The following ASTN2 variants were observed in gnomAD, a reference collection of about 807,000 sequenced individuals.
ASTN2 encodes astrotactin 2.
ASTN2 carries 54 observed loss-of-function variants against 139.8 expected under a neutral mutation model. The observed-to-expected ratio is 0.39, with a 90% CI of 0.31 to 0.48. The LOEUF (loss-of-function observed/expected upper bound fraction) is 0.48. ASTN2 is among the 20% of genes least tolerant of loss of function. ASTN2 has a pLI of 0.95. For missense variants in ASTN2, 1,565 were observed against 1,725.1 expected (o/e 0.91, Z 1.64); for synonymous variants, 756 against 719.5 (o/e 1.05, Z -0.81).
rs764539757 is a variant in ASTN2, at chr9:117,406,888, ACACACACACAC to A, written c.442+7598_442+7608del. The stretch of plus-strand genomic sequence containing the variant: ...CACACACACACACACACACACACAC[ACACACACACAC>A]AACACAGAGGGATAAAAGCTCTCTG... On this transcript the variant is annotated intron_variant, in intron 1 of 22. Coordinates refer to ENST00000313400, the MANE Select transcript of ASTN2 (RefSeq NM_001365068.1). Among the ~76,000 whole-genome samples the A allele has an allele frequency of 8.4e-3, 1,247 of 148,250 alleles. 4 individuals carry two copies. The highest frequency in any genetic ancestry group is 0.015 in the African/African-American group (559 of 38,130).
intron 1 of ASTN2, among the ~76,000 whole-genome samples, chr9:117,344,275 C>T (rs907633422): frequency 2.6e-5 from 4 of 152,060 alleles, no homozygotes; most frequent in Admixed American, 6.6e-5. Context: ...AAGCCCTCTA[C>T]GTATGGAAAT....
intron 5 of ASTN2, among the ~76,000 whole-genome samples, chr9:117,072,237 G>GC (rs146498232): frequency 0.017 from 2,535 of 152,248 alleles, 75 homozygotes; most frequent in African/African-American, 0.058. Flanking sequence ...AGCCTCTTTG[G>GC]AATAGCACAC....
chr9:116,598,240 G>C (rs1382370752), intron 19 of ASTN2, among the ~76,000 whole-genome samples: 2 of 152,200 alleles, frequency 1.3e-5, no homozygotes. Flanking sequence ...AAGTTAAAAG[G>C]AAGTTTATGA....
intron 19 of ASTN2, among the ~76,000 whole-genome samples, chr9:116,564,762 A>T (rs1853098032): frequency 6.6e-6 from 1 of 151,562 alleles, no homozygotes; most frequent in Admixed American, 6.6e-5. Flanking sequence ...TCATATATAG[A>T]TCTAGTTATT....
chr9:116,997,948 G>T (rs1837072140), intron 7 of ASTN2, among the ~76,000 whole-genome samples: 1 of 152,114 alleles, frequency 6.6e-6, no homozygotes, highest in South Asian at 2.1e-4. Flanking sequence ...GCTATATATA[G>T]ATAATGAATC....
intron 4 of ASTN2, among the ~76,000 whole-genome samples, chr9:117,124,966 C>T (rs1003945788): frequency 2.6e-5 from 4 of 152,144 alleles, no homozygotes; most frequent in African/African-American, 9.7e-5. Flanking sequence ...ACAAAGATCA[C>T]CTAAGATAGT....
At chr9:116,810,766 A>G (rs1831142909) in intron 12 of ASTN2, among the ~76,000 whole-genome samples, 1 of 152,208 alleles carries the variant, frequency 6.6e-6, no homozygotes, top group Non-Finnish European at 1.5e-5. Flanking sequence ...TATATAAGAT[A>G]GATGTTATCC....
intron 7 of ASTN2, among the ~76,000 whole-genome samples, chr9:116,994,209 C>A (rs1447457059): frequency 6.6e-6 from 1 of 152,058 alleles, no homozygotes; most frequent in African/African-American, 2.4e-5. Context: ...GTTGTGACTG[C>A]TCAATTCTGA....
At chr9:117,203,743 C>T (rs1831813755) in intron 3 of ASTN2, among the ~76,000 whole-genome samples, 1 of 152,136 alleles carries the variant, frequency 6.6e-6, no homozygotes, top group African/African-American at 2.4e-5. Flanking sequence ...ACCTCTGGGA[C>T]CTCTGACCTT....
intron 7 of ASTN2, among the ~76,000 whole-genome samples, chr9:116,995,160 G>A (rs973933430): frequency 6.6e-6 from 1 of 152,144 alleles, no homozygotes; most frequent in Admixed American, 6.5e-5. Context: ...AGTTTCATGT[G>A]TTCACATGTT....
intron 19 of ASTN2, among the ~76,000 whole-genome samples, chr9:116,534,019 A>T (rs1460424942): frequency 8.5e-5 from 13 of 152,174 alleles, no homozygotes; most frequent in Non-Finnish European, 1.2e-4. Flanking sequence ...TAGGCTTTAA[A>T]TTATTGCCTC....
chr9:116,497,962 A>G (rs1849722218), intron 19 of ASTN2, among the ~76,000 whole-genome samples: 1 of 152,188 alleles, frequency 6.6e-6, no homozygotes, highest in Admixed American at 6.5e-5. Flanking sequence ...TCTCTGGGCC[A>G]AACACTTCAT....
At chr9:116,476,590 A>G (rs1328093995) in intron 20 of ASTN2, among the ~76,000 whole-genome samples, 1 of 152,224 alleles carries the variant, frequency 6.6e-6, no homozygotes, top group East Asian at 1.9e-4. Context: ...TTAGTTCTGC[A>G]GCACAAGTGC....
chr9:116,631,611 C>G (rs1245634477), intron 17 of ASTN2, among the ~76,000 whole-genome samples: 1 of 151,596 alleles, frequency 6.6e-6, no homozygotes, highest in African/African-American at 2.4e-5. Context: ...TTAACAGATA[C>G]AAAAATACAG....
chr9:117,039,239 C>T (rs1440658786), intron 6 of ASTN2, among the ~76,000 whole-genome samples: 1 of 152,120 alleles, frequency 6.6e-6, no homozygotes, highest in African/African-American at 2.4e-5. Flanking sequence ...CCATGGAATA[C>T]TATGAAGCCA....
intron 13 of ASTN2, among the ~76,000 whole-genome samples, chr9:116,738,500 G>A (rs114787412): frequency 0.017 from 2,586 of 151,948 alleles, 81 homozygotes; most frequent in African/African-American, 0.059. Context: ...AAGACTATGT[G>A]TTGGGTACAG....
intron 1 of ASTN2, among the ~76,000 whole-genome samples, chr9:117,299,748 T>C (rs1834830586): frequency 6.6e-6 from 1 of 152,110 alleles, no homozygotes; most frequent in South Asian, 2.1e-4. Context: ...TTAATAAAGC[T>C]CTCCATATAT....
chr9:116,563,202 C>T (rs937520179), intron 19 of ASTN2, among the ~76,000 whole-genome samples: 4 of 151,612 alleles, frequency 2.6e-5, no homozygotes, highest in Non-Finnish European at 5.9e-5. Context: ...GGTGAAACCC[C>T]GTCTCTATTA....
chr9:117,096,283 G>A, intron 4 of ASTN2, 132 bp from the exon 5 acceptor site: 1 of 688,870 alleles, frequency 1.5e-6, no homozygotes, highest in Non-Finnish European at 2.5e-6. Context: ...CCAGGAGTCA[G>A]TGTGATAAAT....
Sources: allele counts gnomAD v4.1 joint callset (sites outside exome capture counted in the v4.1 genomes callset), GRCh38; gene constraint gnomAD v4.1.1; transcripts MANE v1.5; gene names NCBI Gene and HGNC (gene_info 2026-07-23, HGNC 2026-07-21).